The following ATP2B2 variants were observed in gnomAD, a reference collection of about 807,000 sequenced individuals.
The protein encoded by ATP2B2 is plasma membrane calcium-transporting ATPase 2.
In ATP2B2, 15 loss-of-function variants were observed where a neutral mutation model predicts 120.0. That is an observed-to-expected ratio of 0.12 (90% CI 0.08 to 0.19). The LOEUF is 0.19. Among genes scored for constraint, ATP2B2 ranks in the 10% least tolerant of loss-of-function variants. The pLI is 1.00. For synonymous variants in ATP2B2, 694 were observed against 700.3 expected (o/e 0.99, Z 0.14); for missense variants, 1,045 against 1,719.8 (o/e 0.61, Z 6.94).
Position 10,655,993 on chromosome 3 carries a change from C to T in ATP2B2, c.-459-36032G>A, listed in dbSNP as rs529585098. On this transcript the variant is annotated intron_variant, in intron 1 of 21. Coordinates refer to the ATP2B2 transcript ENST00000646379. Reference sequence around the variant, plus strand: ...CTCTTGGAGAACATAGCTGAGAGAGCGGGGAAAACAATCCCTGGATTGATG... The same window carrying T: ...CTCTTGGAGAACATAGCTGAGAGAGTGGGGAAAACAATCCCTGGATTGATG... 7.9e-5 allele frequency among the ~76,000 whole-genome samples: 12 copies of T among 152,252 alleles called. No individual in the cohort carries two copies. The East Asian group carries it at 1.2e-3, about 15-fold the overall frequency.
At chr3:10,558,327 G>A (rs567383109) in intron 2 of ATP2B2, among the ~76,000 whole-genome samples, 1 of 152,180 alleles carries the variant, frequency 6.6e-6, no homozygotes, top group East Asian at 1.9e-4. Flanking sequence ...GGAAGTGCAC[G>A]TGGTCTGTGA....
In ATP2B2 at chr3:10,429,742, T is replaced by C. The variant is rs535602848; in HGVS notation, c.200-18927A>G. Among the ~76,000 whole-genome samples, 3 of 152,350 alleles carry C rather than the reference T, an allele frequency of 2.0e-5. 1 individual carries two copies. The highest frequency in any genetic ancestry group is 7.2e-5 in the African/African-American group (3 of 41,580). ...GTGAGGAAGGCATGTCTCACTAAGA[T>C]AGGCTGAAAGCTAGGCCTCTTATGC... On this transcript the variant is annotated intron_variant, in intron 2 of 22. Transcript: ENST00000360273.
intron 1 of ATP2B2, among the ~76,000 whole-genome samples, chr3:10,627,542 C>T (rs1215352136): frequency 6.6e-6 from 1 of 152,062 alleles, no homozygotes; most frequent in Non-Finnish European, 1.5e-5. Context: ...GGCCAGTTCT[C>T]CCAGCCTCTC....
intron 1 of ATP2B2, among the ~76,000 whole-genome samples, chr3:10,651,016 C>T (rs1575592715): frequency 6.6e-6 from 1 of 152,216 alleles, no homozygotes; most frequent in African/African-American, 2.4e-5. Flanking sequence ...GCCAATTTCT[C>T]CCATTTGGAA....
chr3:10,565,918 C>T (rs1189639435), intron 2 of ATP2B2, among the ~76,000 whole-genome samples: 1 of 152,208 alleles, frequency 6.6e-6, no homozygotes. Flanking sequence ...CTTCATCCAT[C>T]CATCCTTCCA....
intron 3 of ATP2B2, among the ~76,000 whole-genome samples, chr3:10,524,186 C>T (rs113973964): frequency 2.7e-4 from 41 of 152,256 alleles, no homozygotes; most frequent in African/African-American, 9.1e-4. Context: ...GAGTCTGTGA[C>T]GCCTGGACCT....
In ATP2B2 at chr3:10,549,430, C is replaced by T. The variant is rs139748657; in HGVS notation, c.-414-15297G>A. 1.7e-3 allele frequency among the ~76,000 whole-genome samples: 261 copies of T among 151,678 alleles called. 1 individual carries two copies. The highest frequency in any genetic ancestry group is 5.2e-3 in the Admixed American group (79 of 15,198). On this transcript the variant is annotated intron_variant, in intron 2 of 21. Coordinates refer to the ATP2B2 transcript ENST00000646379. ...GAGAAAAAGAAAGAAAATGTGCCTA[C>T]CACACAGGTTCCTGGGAGAGCAAAC... is the stretch of plus-strand genomic sequence containing the variant.
At chr3:10,596,541 A>T (rs2068768351) in intron 2 of ATP2B2, among the ~76,000 whole-genome samples, 1 of 152,240 alleles carries the variant, frequency 6.6e-6, no homozygotes, top group Admixed American at 6.5e-5. Flanking sequence ...AGCATGCCCC[A>T]TATAACAGAT....
intron 14 of ATP2B2, among the ~76,000 whole-genome samples, chr3:10,353,204 GAAGGGGGTTTTGTGCTGCTGAGTAT>G (rs1196174704): frequency 1.3e-5 from 2 of 152,370 alleles, no homozygotes; most frequent in East Asian, 1.9e-4. Flanking sequence ...TGGGAACACA[GAAGGGGGTTTTGTGCTGCTGAGTAT>G]AAGGGGGTTT....
intron 7 of ATP2B2, 31 bp from the exon 8 acceptor site, chr3:10,385,358 A>C: frequency 6.2e-7 from 1 of 1,604,108 alleles, no homozygotes; most frequent in Non-Finnish European, 8.5e-7. Context: ...TGGAAAATGC[A>C]GTGTCACAAT....
intron 3 of ATP2B2, among the ~76,000 whole-genome samples, chr3:10,521,028 G>C (rs1164731368): frequency 6.6e-6 from 1 of 152,192 alleles, no homozygotes; most frequent in Non-Finnish European, 1.5e-5. Flanking sequence ...TTCTGAGGAG[G>C]GGGCTCCCAG....
intron 1 of ATP2B2, among the ~76,000 whole-genome samples, chr3:10,676,509 G>A (rs959969923): frequency 9.2e-5 from 14 of 151,358 alleles, no homozygotes; most frequent in African/African-American, 3.2e-4. Flanking sequence ...GGATGGGGAG[G>A]GAGGAGGGAC....
Position 10,385,288 on chromosome 3 carries a change from G to C in ATP2B2, c.980C>G (p.Ala327Gly). 1 of 1,614,010 alleles carries C rather than the reference G, an allele frequency of 6.2e-7. No homozygotes were observed. The highest frequency in any genetic ancestry group is 8.5e-7 in the Non-Finnish European group (1 of 1,179,990). ...GAAASNAADSANASLVNGKMQ... is the reference protein window; with the variant it reads ...GAAASNAADSGNASLVNGKMQ... ...CATACCATTGACTAGGCTGGCATTCGCACTATCTGCAGCATTTGAAGCTGC... is the reference window on the plus strand; with the variant it reads ...CATACCATTGACTAGGCTGGCATTCCCACTATCTGCAGCATTTGAAGCTGC... Residue 327 changes from alanine to glycine, a missense_variant, in exon 8 of 23, where the codon GCG (alanine) becomes GGG (glycine). This residue lies in a region of ATP2B2 where 145 missense variants were observed against 202.0 expected (regional missense o/e 0.72). Transcript: ENST00000360273.
chr3:10,359,033 C>T, intron 13 of ATP2B2, 108 bp from the exon 14 acceptor site: 1 of 1,068,372 alleles, frequency 9.4e-7, no homozygotes, highest in South Asian at 1.4e-5. Flanking sequence ...GGCTGGTCAT[C>T]CAGTGCCCAT....
intron 1 of ATP2B2, among the ~76,000 whole-genome samples, chr3:10,667,670 G>A (rs1344352896): frequency 6.6e-6 from 1 of 152,174 alleles, no homozygotes; most frequent in Non-Finnish European, 1.5e-5. Flanking sequence ...AGAGGTCGAG[G>A]GAAAGGGGCT....
chr3:10,564,153 G>A lies in ATP2B2; in HGVS notation c.-414-30020C>T, dbSNP rs2067960018. Among the ~76,000 whole-genome samples the A allele has an allele frequency of 2.0e-5, 3 of 152,200 alleles. No homozygotes were observed. In the South Asian group the frequency reaches 6.2e-4, roughly 31 times the overall value. ...CTCGATCTTGTCAGCTGAGTCTAGA[G>A]GACCTGTCTGTCAGAAAAAGACTCA... On this transcript the variant is annotated intron_variant, in intron 2 of 21. Transcript: ENST00000646379.
chr3:10,574,241 C>T (rs2068192667), intron 2 of ATP2B2, among the ~76,000 whole-genome samples: 1 of 152,198 alleles, frequency 6.6e-6, no homozygotes, highest in South Asian at 2.1e-4. Flanking sequence ...GTCTATTCCA[C>T]ATAAGGGGGA....
intron 2 of ATP2B2, among the ~76,000 whole-genome samples, chr3:10,610,520 G>T (rs780011653): frequency 6.6e-6 from 1 of 152,124 alleles, no homozygotes; most frequent in South Asian, 2.1e-4. Context: ...ACCCCTAAAC[G>T]TATTCACTGC....
At chr3:10,536,340 T>G (rs1190509162) in intron 2 of ATP2B2, among the ~76,000 whole-genome samples, 1 of 152,030 alleles carries the variant, frequency 6.6e-6, no homozygotes, top group African/African-American at 2.4e-5. Context: ...GATTTTTTTT[T>G]TTTTTGTCTT....
Sources: gnomAD v4.1 joint callset for allele counts (sites outside exome capture counted in the v4.1 genomes callset) on GRCh38, gnomAD v4.1.1 for gene constraint, gnomAD v4.1.1 regional missense constraint, MANE v1.5 for transcripts, NCBI Gene and HGNC (gene_info 2026-07-23, HGNC 2026-07-21) for gene names.